Variants in PDXDC1 observed in about 807,000 individuals in gnomAD.
The protein encoded by PDXDC1 is pyridoxal dependent decarboxylase domain containing 1, also known as pyridoxal-dependent decarboxylase domain-containing protein 1.
A neutral mutation model predicts 100.1 loss-of-function variants in PDXDC1; 42 were observed. The observed-to-expected ratio is 0.42, with a 90% CI of 0.33 to 0.54. PDXDC1 has a LOEUF of 0.54. Ranked by LOEUF, PDXDC1 falls within the 20% of genes least tolerant of loss-of-function variation. The probability of loss-of-function intolerance (pLI) is 0.10; values close to 1 mark genes in which losing one functional copy is unlikely to be tolerated. For synonymous variants in PDXDC1, 260 were observed against 371.7 expected, an observed-to-expected ratio of 0.70 and a Z score of 3.46; for missense variants, 636 against 979.2, an observed-to-expected ratio of 0.65 and a Z score of 4.68.
intron 16 of PDXDC1, chr16:15,094,084 C>G: frequency 6.9e-7 from 1 of 1,453,540 alleles, no homozygotes; most frequent in African/African-American, 1.4e-5. Flanking sequence ...CAATCCGCTC[C>G]TCTAAGCGCC....
downstream of PDXDC1, among the ~76,000 whole-genome samples, chr16:15,144,204 C>G (rs147611581): frequency 2.2e-3 from 334 of 152,314 alleles, 17 homozygotes; most frequent in East Asian, 0.055. Flanking sequence ...CTGGAGAGGA[C>G]AGGGGACAGG....
At chr16:15,133,903 C>T (rs532753892) in intron 16 of PDXDC1, 522 of 1,470,500 alleles carry the variant, frequency 3.5e-4, no homozygotes, top group East Asian at 2.0e-3. Context: ...GGGATGGAGG[C>T]GCAGCCCTCC....
intron 16 of PDXDC1, chr16:15,133,892 G>A (rs2048227710): frequency 3.0e-5 from 45 of 1,490,682 alleles, no homozygotes; most frequent in Non-Finnish European, 4.1e-5. Context: ...TGGGGGACAG[G>A]GGGATGGAGG....
At chr16:15,129,603 G>A (rs993533232) in intron 16 of PDXDC1, among the ~76,000 whole-genome samples, 2 of 152,228 alleles carry the variant, frequency 1.3e-5, no homozygotes, top group Non-Finnish European at 2.9e-5. Flanking sequence ...CTCCCACAGT[G>A]GTAGCGATGC....
intron 16 of PDXDC1, chr16:15,134,128 C>T: frequency 7.4e-7 from 1 of 1,347,030 alleles, no homozygotes; most frequent in South Asian, 1.2e-5. Flanking sequence ...GTCAGCCCCA[C>T]TTCTGCCTGC....
At chr16:15,072,735 G>A (rs1389841712) in intron 16 of PDXDC1, among the ~76,000 whole-genome samples, 1 of 152,168 alleles carries the variant, frequency 6.6e-6, no homozygotes, top group Non-Finnish European at 1.5e-5. Flanking sequence ...GGTGGAGGTT[G>A]CAGCAGTGGG....
intron 16 of PDXDC1, 34 bp downstream of exon 16, chr16:15,030,090 G>T (rs372704698): frequency 3.3e-6 from 5 of 1,532,876 alleles, no homozygotes; most frequent in Admixed American, 3.9e-5. Context: ...CCTTGCTTTT[G>T]TTCTGGGGCT....
chr16:15,017,773 A>G (rs1460665230), intron 11 of PDXDC1, among the ~76,000 whole-genome samples: 1 of 151,216 alleles, frequency 6.6e-6, no homozygotes, highest in Non-Finnish European at 1.5e-5. Context: ...CCTGATCCAC[A>G]TTGCCCAATA....
intron 16 of PDXDC1, chr16:15,128,316 G>T (rs767869794): frequency 1.2e-6 from 2 of 1,610,098 alleles, no homozygotes; most frequent in Non-Finnish European, 1.7e-6. Flanking sequence ...GGAAGGCTCT[G>T]TCGCCATCCA....
At chr16:15,148,426 C>A in the PDXDC1 span, among the ~76,000 whole-genome samples, 3,010 of 129,360 alleles carry the variant, frequency 0.023, 50 homozygotes, top group Non-Finnish European at 0.037. Flanking sequence ...CTCTGTGACC[C>A]AGCCTGGAGT....
At chr16:15,011,924 A>C (rs1383357214) in intron 8 of PDXDC1, among the ~76,000 whole-genome samples, 1 of 152,266 alleles carries the variant, frequency 6.6e-6, no homozygotes, top group African/African-American at 2.4e-5. Context: ...TTGGCCTCCC[A>C]AAGTGATGGG....
At chr16:15,133,708 G>C in intron 16 of PDXDC1, 6 of 1,604,260 alleles carry the variant, frequency 3.7e-6, no homozygotes, top group Non-Finnish European at 5.1e-6. Context: ...GCCAGCCTGA[G>C]GGACGGTCCC....
intron 16 of PDXDC1, among the ~76,000 whole-genome samples, chr16:15,111,693 G>A (rs1166690987): frequency 7.2e-6 from 1 of 138,132 alleles, no homozygotes; most frequent in African/African-American, 2.6e-5. Context: ...AAGAGGCAGA[G>A]GTTGCAGTGA....
chr16:15,033,577 A>G (rs539910686), intron 19 of PDXDC1, among the ~76,000 whole-genome samples, 178 bp downstream of exon 19: 307 of 152,362 alleles, frequency 2.0e-3, no homozygotes, highest in Admixed American at 4.3e-3. Context: ...GGTTTGACAC[A>G]GCCCATGCCC....
intron 16 of PDXDC1, chr16:15,065,243 G>A: frequency 1.9e-6 from 3 of 1,613,732 alleles, no homozygotes; most frequent in African/African-American, 1.3e-5. Context: ...GGGATCAAAG[G>A]GGAAGAAGGT....
At chr16:15,122,468 G>GC (rs540572626) in intron 16 of PDXDC1, among the ~76,000 whole-genome samples, 6,420 of 143,654 alleles carry the variant, frequency 0.045, 225 homozygotes, top group African/African-American at 0.088. Context: ...GCCCACCTCG[G>GC]CCCCCTAAAG....
chr16:14,990,491 T>G (rs1482788353), intron 1 of PDXDC1, among the ~76,000 whole-genome samples: 3 of 152,290 alleles, frequency 2.0e-5, no homozygotes, highest in African/African-American at 7.2e-5. Context: ...AAGACGCTGT[T>G]TTTAGTTTTA....
the PDXDC1 span, among the ~76,000 whole-genome samples, chr16:15,152,117 C>T: frequency 0.011 from 1,630 of 144,342 alleles, 54 homozygotes; most frequent in Non-Finnish European, 0.014. Context: ...AAGCCACCAC[C>T]TCTCGGCAGC....
chr16:14,979,803 A>G lies in PDXDC1; in HGVS notation c.21+4583A>G, dbSNP rs540604298. ...CAGCATCAATGGAACATTCCTGATCATTACTTACTGATAAGGACTCCGAGA... is the reference window on the plus strand; with the variant it reads ...CAGCATCAATGGAACATTCCTGATCGTTACTTACTGATAAGGACTCCGAGA... On this transcript the variant is annotated intron_variant, in intron 1 of 22. Coordinates refer to ENST00000396410, the MANE Select transcript of PDXDC1 (RefSeq NM_015027.4). Among the ~76,000 whole-genome samples the G allele has an allele frequency of 3.6e-3, 544 of 152,346 alleles. 3 individuals are homozygous for G. Among genetic ancestry groups the G allele is most frequent in the African/African-American group, 0.012 (513 of 41,542 alleles).
Sources: allele counts gnomAD v4.1 joint callset (sites outside exome capture counted in the v4.1 genomes callset), GRCh38; gene constraint gnomAD v4.1.1; transcripts MANE v1.5; gene names NCBI Gene and HGNC (gene_info 2026-07-23, HGNC 2026-07-21).